TRMT10B: variants seen among roughly 807,000 people sequenced by gnomAD.
The protein encoded by TRMT10B is tRNA methyltransferase 10 homolog B.
TRMT10B carries 33 observed loss-of-function variants against 43.8 expected under a neutral mutation model. The observed-to-expected ratio is 0.75, with a 90% confidence interval of 0.57 to 1.01. The LOEUF is 1.01. Ranked by LOEUF, TRMT10B falls within the 50% of genes least tolerant of loss-of-function variation. The pLI is 0.00. For missense variants in TRMT10B, 362 were observed against 369.8 expected, an observed-to-expected ratio of 0.98 and a Z score of 0.17; for synonymous variants, 137 against 130.6, an observed-to-expected ratio of 1.05 and a Z score of -0.34.
chr9:37,753,974 G>A (rs1445643486), intron 1 of TRMT10B, 122 bp downstream of exon 1: 1 of 152,386 alleles, frequency 6.6e-6, no homozygotes, highest in African/African-American at 2.4e-5. Flanking sequence ...TGTGGCCTGT[G>A]GTACTCCACC....
intron 5 of TRMT10B, among the ~76,000 whole-genome samples, chr9:37,768,602 G>T (rs920501087): frequency 2.6e-5 from 4 of 152,162 alleles, no homozygotes; most frequent in African/African-American, 9.7e-5. Flanking sequence ...AAGTTTTAGG[G>T]AGTACTAAGG....
chr9:37,774,211 A>G (rs2118914593), intron 7 of TRMT10B, among the ~76,000 whole-genome samples: 1 of 152,222 alleles, frequency 6.6e-6, no homozygotes, highest in Middle Eastern at 3.4e-3. Context: ...CGTATGGCCC[A>G]TGCTGGTGTC....
intron 4 of TRMT10B, among the ~76,000 whole-genome samples, chr9:37,765,930 GT>G (rs36167672): frequency 1.4e-4 from 20 of 143,342 alleles, no homozygotes; most frequent in East Asian, 4.0e-4. Context: ...TTTTTGATGG[GT>G]TTTTTTTTTT....
At chr9:37,776,550 C>G (rs1828176042) in intron 8 of TRMT10B, 145 bp downstream of exon 8, 1 of 985,752 alleles carries the variant, frequency 1.0e-6, no homozygotes, top group African/African-American at 1.7e-5. Context: ...ATATTCTGGC[C>G]ACTAAGAGGC....
intron 1 of TRMT10B, among the ~76,000 whole-genome samples, chr9:37,756,848 A>G (rs1464798320): frequency 6.7e-6 from 1 of 148,206 alleles, no homozygotes; most frequent in African/African-American, 2.6e-5. Context: ...GTATGTGTGT[A>G]TATATACACA....
In TRMT10B at chr9:37,777,631, C is replaced by T; in HGVS notation, c.875C>T (p.Thr292Ile). The change falls in exon 9 of 9, where the codon ACT (threonine) becomes ATT (isoleucine). Residue 292 changes from threonine (T) to isoleucine (I), a missense_variant. Transcript: ENST00000297994. Reference sequence around the variant, plus strand: ...GATATCCTGTCCACTTACTTAGAGACTCACAACTGGCCTGAAGCATTGAAG... The same window carrying T: ...GATATCCTGTCCACTTACTTAGAGATTCACAACTGGCCTGAAGCATTGAAG... ...VFDILSTYLETHNWPEALKKG... is the reference protein window; with the variant it reads ...VFDILSTYLEIHNWPEALKKG... 6.2e-7 allele frequency: 1 copy of T among 1,613,962 alleles called. No individual in the cohort carries two copies. The highest frequency in any genetic ancestry group is 8.5e-7 in the Non-Finnish European group (1 of 1,179,936).
chr9:37,754,012 A>G (rs1387814543), intron 1 of TRMT10B, among the ~76,000 whole-genome samples, 160 bp downstream of exon 1: 3 of 152,058 alleles, frequency 2.0e-5, no homozygotes, highest in African/African-American at 4.8e-5. Context: ...TCCTGCTTCC[A>G]CTCGCACGCT....
chr9:37,777,569 G>T (rs1424390365), intron 8 of TRMT10B, 32 bp from the exon 9 acceptor site: 1 of 1,527,508 alleles, frequency 6.5e-7, no homozygotes, highest in South Asian at 1.1e-5. Context: ...TTCCCTCTGT[G>T]GTCACTGTGT....
At chr9:37,769,289 C>G (rs2118859792) in intron 5 of TRMT10B, among the ~76,000 whole-genome samples, 1 of 119,516 alleles carries the variant, frequency 8.4e-6, no homozygotes, top group East Asian at 2.7e-4. Flanking sequence ...GCCTGGGTGA[C>G]AGAGCCAGAC....
At chr9:37,771,257 T>C (rs556791882) in intron 7 of TRMT10B, among the ~76,000 whole-genome samples, 86 of 152,314 alleles carry the variant, frequency 5.6e-4, no homozygotes, top group African/African-American at 2.0e-3. Flanking sequence ...ACATATTACA[T>C]AGATAATAAG....
chr9:37,770,905 T>C (rs527620029), intron 7 of TRMT10B, 166 bp downstream of exon 7: 6 of 605,118 alleles, frequency 9.9e-6, no homozygotes, highest in African/African-American at 9.5e-5. Context: ...GTTCCCTCTC[T>C]CCTCATGAGC....
chr9:37,762,832 CAAAG>C (rs1826510884), intron 3 of TRMT10B, 147 bp downstream of exon 3: 1 of 1,020,502 alleles, frequency 9.8e-7, no homozygotes. Context: ...ATCAAAACAT[CAAAG>C]AAAGCAAAAT....
At chr9:37,769,673 C>A in intron 5 of TRMT10B, 1 of 378,176 alleles carries the variant, frequency 2.6e-6, no homozygotes. Context: ...TCTTGGCTCT[C>A]TGCAACCTCT....
chr9:37,768,799 G>A (rs983121881), intron 5 of TRMT10B, among the ~76,000 whole-genome samples: 4 of 152,152 alleles, frequency 2.6e-5, no homozygotes, highest in Non-Finnish European at 4.4e-5. Flanking sequence ...CATTGCGCGG[G>A]GCTGCACAGC....
chr9:37,754,603 C>T (rs1216632579), intron 1 of TRMT10B, among the ~76,000 whole-genome samples: 2 of 151,990 alleles, frequency 1.3e-5, no homozygotes, highest in Admixed American at 1.3e-4. Flanking sequence ...CAATTCTTCC[C>T]TGGGTTTATA....
Position 37,770,679 on chromosome 9 carries a change from A to C in TRMT10B, c.660A>C (p.Glu220Asp), listed in dbSNP as rs1564000470. 2 of 1,613,842 alleles carry C rather than the reference A, an allele frequency of 1.2e-6. No individual in the cohort carries two copies. The highest frequency in any genetic ancestry group is 1.1e-5 in the South Asian group (1 of 91,032). ...YLTPDSEHAL[E>D]DVDLNKVYIL... ...CCTTCATTTTTTCATTAGCTCTTGA[A>C]GATGTTGATCTAAACAAAGTTTACA... Residue 220 changes from glutamate (E) to aspartate (D), a missense_variant, in exon 7 of 9, where the codon GAA (glutamate) becomes GAC (aspartate). Transcript: ENST00000297994.
rs11306620 is a variant in TRMT10B at position 37,777,194 on chromosome 9, C to CAAAA, written c.845-372_845-369dup. Among the ~76,000 whole-genome samples the CAAAA allele has an allele frequency of 8.7e-4, 26 of 29,984 alleles. 1 individual carries two copies. Among genetic ancestry groups the CAAAA allele is most frequent in the Admixed American group, 1.3e-3 (2 of 1,536 alleles). The allele number at this position is 29,984 out of a possible 152,430, so 19.7% of individuals were successfully genotyped here. A position where few individuals can be genotyped will look rare whatever the true frequency, so the allele number is the denominator to read the frequency against. ...GAGCAACAAGAGTGCAACTCCGCCT[C>CAAAA]AAAAAAAAAAAAAAAAAAAAAAAAA... On this transcript the variant is annotated intron_variant, in intron 8 of 8. Transcript: ENST00000297994.
chr9:37,776,374 C>T lies in TRMT10B; in HGVS notation c.813C>T (p.Asn271=). 7.4e-6 allele frequency: 12 copies of T among 1,612,168 alleles called. No individual in the cohort carries two copies. The highest frequency in any genetic ancestry group is 1.0e-5 in the Non-Finnish European group (12 of 1,179,144). The change falls in exon 8 of 9, where the codon AAC becomes AAT. Residue 271 remains asparagine, a synonymous_variant. Coordinates refer to ENST00000297994, the MANE Select transcript of TRMT10B (RefSeq NM_144964.4). ...TGGTCAGAAACCAGAATGGGAAAAA[C>T]TATCATTCAGAGATACTGGCCATCA... ...EYMVRNQNGK[N]YHSEILAINQ...
chr9:37,767,095 C>T (rs1827056504), intron 4 of TRMT10B: 1 of 152,150 alleles, frequency 6.6e-6, no homozygotes, highest in African/African-American at 2.4e-5. Flanking sequence ...ATTGTAAACT[C>T]TCTTTTTAGA....
Sources: allele counts gnomAD v4.1 joint callset (sites outside exome capture counted in the v4.1 genomes callset), GRCh38; gene constraint gnomAD v4.1.1; transcripts MANE v1.5; gene names NCBI Gene and HGNC (gene_info 2026-07-23, HGNC 2026-07-21).